The following OR10H5 variants were observed in gnomAD, a reference collection of about 807,000 sequenced individuals.
The protein encoded by OR10H5 is olfactory receptor family 10 subfamily H member 5, also known as olfactory receptor 10H5.
Under a neutral mutation model 12.2 loss-of-function variants are expected in OR10H5, and 7 were observed. That is an observed-to-expected ratio of 0.57 (90% CI 0.33 to 1.07). OR10H5 has a LOEUF of 1.07. Ranked by LOEUF, OR10H5 falls within the 50% of genes least tolerant of loss-of-function variation. OR10H5 has a pLI of 0.04. For synonymous variants in OR10H5, 159 were observed against 175.1 expected, an observed-to-expected ratio of 0.91 and a Z score of 0.73; for missense variants, 346 against 411.6, an observed-to-expected ratio of 0.84 and a Z score of 1.38.
chr19:15,794,553 T>C lies in OR10H5; in HGVS notation c.505T>C (p.Cys169Arg). 1 of 1,614,244 alleles carries C rather than the reference T, an allele frequency of 6.2e-7. No homozygotes were observed. The highest frequency in any genetic ancestry group is 2.2e-5 in the East Asian group (1 of 44,888). ...CTCGGCCATTTTCCACCTCGCCTTC[T>C]GTGGACACAAGGAGATCCACCATTT... The part of the protein sequence containing the change: ...VTSAIFHLAF[C>R]GHKEIHHFFC... Residue 169 changes from cysteine (C) to arginine (R), a missense_variant, in exon 2 of 2, where the codon TGT becomes CGT. Coordinates refer to ENST00000642092, the MANE Select transcript of OR10H5 (RefSeq NM_001004466.2).
At chr19:15,792,222 AT>A (rs1230783538) in intron 1 of OR10H5, among the ~76,000 whole-genome samples, 1 of 151,814 alleles carries the variant, frequency 6.6e-6, no homozygotes, top group African/African-American at 2.4e-5. Context: ...TTTTATTCGC[AT>A]TTTTTAATTT....
chr19:15,787,683 G>A lies in OR10H5; in HGVS notation c.-45G>A, dbSNP rs1473500797. ...CTGTGCCCAGGGCCATTACAGGCCTGGCTGCAAGGCGTCCCTAAAGGTCTC... is the reference window on the plus strand; with the variant it reads ...CTGTGCCCAGGGCCATTACAGGCCTAGCTGCAAGGCGTCCCTAAAGGTCTC... On this transcript the variant is annotated 5_prime_UTR_variant, in exon 1 of 2. Transcript: ENST00000642092. 6.6e-6 allele frequency: 1 copy of A among 152,312 alleles called. No homozygotes were observed. Among genetic ancestry groups the A allele is most frequent in the Non-Finnish European group, 1.5e-5 (1 of 68,106 alleles). 9.4% of individuals were successfully genotyped at this position (152,312 alleles called of 1,614,324 possible).
chr19:15,794,985 C>G lies in OR10H5; in HGVS notation c.937C>G (p.Gln313Glu). 1 of 1,613,868 alleles carries G rather than the reference C, an allele frequency of 6.2e-7. No homozygotes were observed. Among genetic ancestry groups the G allele is most frequent in the Non-Finnish European group, 8.5e-7 (1 of 1,179,828 alleles). The stretch of plus-strand genomic sequence containing the variant: ...GACTTGCTTCACCAAACTCTTTCCA[C>G]AGAACTGCTGAAATGGCTGACTTTC... ...KKTCFTKLFPQNC is the reference protein window; with the variant it reads ...KKTCFTKLFPENC The change falls in exon 2 of 2, where the codon CAG becomes GAG. Residue 313 changes from glutamine to glutamate, a missense_variant. Physicochemically the swap from Gln to Glu is conservative, Grantham distance 29. Coordinates refer to ENST00000642092, the MANE Select transcript of OR10H5 (RefSeq NM_001004466.2).
chr19:15,795,071 C>A lies in OR10H5; in HGVS notation c.*75C>A, dbSNP rs551397530. On this transcript the variant is annotated 3_prime_UTR_variant, in exon 2 of 2. Coordinates refer to ENST00000642092, the MANE Select transcript of OR10H5 (RefSeq NM_001004466.2). ...TTCCTCCTTTATTTCTTTTCCTTTC[C>A]TCCCTCCCTCCTTTCCTCCCTCCCT... The A allele has an allele frequency of 2.4e-6, 3 of 1,254,516 alleles. No individual in the cohort carries two copies. The highest frequency in any genetic ancestry group is 2.5e-5 in the East Asian group (1 of 40,232). 77.7% of individuals were successfully genotyped at this position (1,254,516 alleles called of 1,614,324 possible). A position where few individuals can be genotyped will look rare whatever the true frequency, so the allele number is the denominator to read the frequency against.
In OR10H5 at chr19:15,794,646, G is replaced by A. The variant is rs149384614; in HGVS notation, c.598G>A (p.Val200Met). The A allele has an allele frequency of 5.3e-5, 86 of 1,614,030 alleles. No individual in the cohort carries two copies. Among genetic ancestry groups the A allele is most frequent in the South Asian group, 1.4e-4 (13 of 91,090 alleles). Residue 200 changes from valine to methionine, a missense_variant, in exon 2 of 2, where the codon GTG becomes ATG. Val to Met is a conservative substitution (Grantham distance 21, BLOSUM62 1). Transcript: ENST00000642092. ...TGATGTGCTGGTGGTGGCCAAAGGCGTGGGCTTGGTGTGTATCACGGCCCT... is the reference window on the plus strand; with the variant it reads ...TGATGTGCTGGTGGTGGCCAAAGGCATGGGCTTGGTGTGTATCACGGCCCT... ...GDDVLVVAKG[V>M]GLVCITALLG...
At chr19:15,792,982 A>C (rs1315212073) in intron 1 of OR10H5, among the ~76,000 whole-genome samples, 2 of 152,160 alleles carry the variant, frequency 1.3e-5, no homozygotes, top group Non-Finnish European at 2.9e-5. Context: ...AATAGAGACC[A>C]CCGAGATTTA....
chr19:15,791,799 T>A (rs2144926990), intron 1 of OR10H5, among the ~76,000 whole-genome samples: 1 of 152,082 alleles, frequency 6.6e-6, no homozygotes, highest in South Asian at 2.1e-4. Flanking sequence ...TTCATGCCAT[T>A]CTCCTGCCTC....
rs202082238 is a variant in OR10H5, at chr19:15,794,832, A to G, written c.784A>G (p.Lys262Glu). 40 of 1,614,084 alleles carry G rather than the reference A, an allele frequency of 2.5e-5. No homozygotes were observed. The East Asian group carries it at 8.0e-4, about 32-fold the overall frequency. The change falls in exon 2 of 2, where the codon AAG becomes GAG. Residue 262 changes from lysine (K) to glutamate (E), a missense_variant. Physicochemically the swap from Lys to Glu is moderately conservative, Grantham distance 56 (BLOSUM62 1). Coordinates refer to ENST00000642092, the MANE Select transcript of OR10H5 (RefSeq NM_001004466.2). ...TGGCTTTGCCTCCGTCATTTACCTG[A>G]AGCCCAAAGGTCCCCAGTCTCCGGA... ...HYGFASVIYL[K>E]PKGPQSPEGD...
At chr19:15,791,670 C>T (rs1384991289) in intron 1 of OR10H5, among the ~76,000 whole-genome samples, 1 of 151,848 alleles carries the variant, frequency 6.6e-6, no homozygotes, top group Non-Finnish European at 1.5e-5. Flanking sequence ...CAAAGTGTAT[C>T]CCTTTGTTTG....
At chr19:15,792,835 A>T (rs1186105544) in intron 1 of OR10H5, among the ~76,000 whole-genome samples, 1 of 152,080 alleles carries the variant, frequency 6.6e-6, no homozygotes, top group Non-Finnish European at 1.5e-5. Context: ...AATCTTATTA[A>T]ATCCTCATAA....
Position 15,794,927 on chromosome 19 carries a change from C to G in OR10H5, c.879C>G (p.Leu293=), listed in dbSNP as rs373420276. 1.2e-6 allele frequency: 2 copies of G among 1,614,232 alleles called. No individual in the cohort carries two copies. The highest frequency in any genetic ancestry group is 1.7e-6 in the Non-Finnish European group (2 of 1,180,050). Residue 293 remains leucine (L), a synonymous_variant, in exon 2 of 2, where the codon CTC becomes CTG. Transcript: ENST00000642092. ...TCCTCAGCCCCATCATCTTCAGCCT[C>G]AGGAACAAGGAGCTGAAGGTCGCCA... ...TPFLSPIIFS[L]RNKELKVAMK...
chr19:15,789,571 G>A (rs372665356), intron 1 of OR10H5, among the ~76,000 whole-genome samples: 4 of 152,086 alleles, frequency 2.6e-5, no homozygotes, highest in Admixed American at 6.6e-5. Flanking sequence ...GAGGTTCTGC[G>A]TGTGCACCAG....
chr19:15,793,667 G>T (rs1404712620), intron 1 of OR10H5, among the ~76,000 whole-genome samples: 1 of 152,082 alleles, frequency 6.6e-6, no homozygotes, highest in African/African-American at 2.4e-5. Context: ...GATCACCTGA[G>T]GTCAGGAGTT....
chr19:15,794,107 T>G lies in OR10H5; in HGVS notation c.59T>G (p.Phe20Cys). ...TTCATCCTCGTTGGCTTCTCTGCCTTCCCCCACCTCCAGCTGATGCTCTTC... is the reference window on the plus strand; with the variant it reads ...TTCATCCTCGTTGGCTTCTCTGCCTGCCCCCACCTCCAGCTGATGCTCTTC... The part of the protein sequence containing the change: ...SEFILVGFSA[F>C]PHLQLMLFLL... Residue 20 changes from phenylalanine (F) to cysteine (C), a missense_variant, in exon 2 of 2, where the codon TTC becomes TGC. Phe to Cys is a radical substitution (Grantham distance 205). Coordinates refer to ENST00000642092, the MANE Select transcript of OR10H5 (RefSeq NM_001004466.2). 6.2e-7 allele frequency: 1 copy of G among 1,614,008 alleles called. No homozygotes were observed.
intron 1 of OR10H5, among the ~76,000 whole-genome samples, chr19:15,789,506 C>T (rs2088799328): frequency 2.0e-5 from 3 of 152,176 alleles, no homozygotes; most frequent in Non-Finnish European, 2.9e-5. Flanking sequence ...TGTGTGTGCA[C>T]CAGCCTAGGG....
rs1449460803 is a variant in OR10H5 at position 15,799,714 on chromosome 19, A to T, written c.*4718A>T. The T allele has an allele frequency of 1.4e-5, 2 of 147,392 alleles. No individual in the cohort carries two copies. The highest frequency in any genetic ancestry group is 3.0e-5 in the Non-Finnish European group (2 of 67,184). The allele number at this position is 147,392 out of a possible 1,614,324, so 9.1% of individuals were successfully genotyped here. ...GAATGTCTTTTTTTTTTTTTGAGAG[A>T]GAGAGAGAGAGAGAAATAAGATCTC... On this transcript the variant is annotated 3_prime_UTR_variant, in exon 2 of 2. Transcript: ENST00000642092.
At position 15,798,044 on chromosome 19, in the gene OR10H5, TAAAAAAAAAAAAA is replaced by T. The variant is rs61593330; in HGVS notation, c.*3060_*3072del. ...TGGGCGACAAGAGTGACACTCCATC[TAAAAAAAAAAAAA>T]AAAAAAAAAAAGCATAAACGTAATT... On this transcript the variant is annotated 3_prime_UTR_variant, in exon 2 of 2. Transcript: ENST00000642092. 3.0e-5 allele frequency: 2 copies of T among 65,736 alleles called. No homozygotes were observed. Among genetic ancestry groups the T allele is most frequent in the African/African-American group, 1.2e-4 (2 of 16,364 alleles). 4.1% of individuals were successfully genotyped at this position (65,736 alleles called of 1,614,324 possible).
Position 15,796,228 on chromosome 19 carries a change from G to C in OR10H5, c.*1232G>C, listed in dbSNP as rs2088839397. 6.6e-6 allele frequency: 1 copy of C among 152,284 alleles called. No homozygotes were observed. The highest frequency in any genetic ancestry group is 2.1e-4 in the South Asian group (1 of 4,830). 9.4% of individuals were successfully genotyped at this position (152,284 alleles called of 1,614,324 possible). A position where few individuals can be genotyped will look rare whatever the true frequency, so the allele number is the denominator to read the frequency against. On this transcript the variant is annotated 3_prime_UTR_variant, in exon 2 of 2. Coordinates refer to ENST00000642092, the MANE Select transcript of OR10H5 (RefSeq NM_001004466.2). ...CATTTCTCAGGGCCTGTGAAGAGGG[G>C]AAGTCAGTCTGTTCCAGAAAGGGAG...
rs114385843 is a variant in OR10H5 at position 15,789,482 on chromosome 19, C to G, written c.-12+1766C>G. ...GCCAGCCTGGGATTCTGCATTTGCA[C>G]CAGCCTGGGATTCTGTGTGTGCACC... On this transcript the variant is annotated intron_variant, in intron 1 of 1. Transcript: ENST00000642092. 1.1e-3 allele frequency among the ~76,000 whole-genome samples: 163 copies of G among 151,896 alleles called. 2 individuals are homozygous for G. The highest frequency in any genetic ancestry group is 3.8e-3 in the African/African-American group (156 of 41,192).
Sources: gnomAD v4.1 joint callset for allele counts (sites outside exome capture counted in the v4.1 genomes callset) on GRCh38, gnomAD v4.1.1 for gene constraint, MANE v1.5 for transcripts, NCBI Gene and HGNC (gene_info 2026-07-23, HGNC 2026-07-21) for gene names.